Variants in EVL observed in about 807,000 individuals in gnomAD.
EVL encodes the protein ena/VASP-like protein.
A neutral mutation model predicts 59.6 loss-of-function variants in EVL; 21 were observed. That is an observed-to-expected ratio of 0.35 (90% CI 0.25 to 0.51). The LOEUF (loss-of-function observed/expected upper bound fraction) is 0.51. Ranked by LOEUF, EVL falls within the 20% of genes least tolerant of loss-of-function variation. The pLI is 0.97. For missense variants in EVL, 462 were observed against 546.6 expected, an observed-to-expected ratio of 0.85 and a Z score of 1.54; for synonymous variants, 198 against 203.5, an observed-to-expected ratio of 0.97 and a Z score of 0.23.
chr14:100,067,364 G>A (rs994666710), intron 1 of EVL, among the ~76,000 whole-genome samples: 1 of 152,204 alleles, frequency 6.6e-6, no homozygotes, highest in Non-Finnish European at 1.5e-5. Context: ...TCAAGAAACA[G>A]TTTCCAAGCC....
chr14:100,022,865 G>A (rs1415026479), intron 1 of EVL, among the ~76,000 whole-genome samples: 1 of 152,158 alleles, frequency 6.6e-6, no homozygotes, highest in Non-Finnish European at 1.5e-5. Context: ...GCTGGTTCAG[G>A]AGAACGTGTG....
chr14:100,075,024 T>C (rs549748314), intron 1 of EVL: 2 of 152,326 alleles, frequency 1.3e-5, no homozygotes, highest in Non-Finnish European at 2.9e-5. Context: ...TGTCTCTGAC[T>C]TGACTCCCTG....
chr14:100,129,047 G>A (rs937890417), intron 6 of EVL, among the ~76,000 whole-genome samples: 1 of 152,192 alleles, frequency 6.6e-6, no homozygotes, highest in Non-Finnish European at 1.5e-5. Context: ...AAGTCACACC[G>A]TTTACAAATT....
chr14:99,996,270 C>G (rs2060913339), intron 1 of EVL, among the ~76,000 whole-genome samples: 1 of 151,820 alleles, frequency 6.6e-6, no homozygotes, highest in Non-Finnish European at 1.5e-5. Context: ...ACTTGGGGTA[C>G]AGAAACCTCT....
chr14:100,007,534 A>G (rs1018893175), intron 1 of EVL, among the ~76,000 whole-genome samples: 5 of 152,210 alleles, frequency 3.3e-5, no homozygotes, highest in Non-Finnish European at 5.9e-5. Context: ...ACATCATGGC[A>G]CTCATGAAAA....
chr14:100,043,309 G>GTA (rs1257561436), intron 1 of EVL, among the ~76,000 whole-genome samples: 1 of 149,736 alleles, frequency 6.7e-6, no homozygotes, highest in African/African-American at 2.5e-5. Flanking sequence ...GTGTGTGTGT[G>GTA]TATATGTATA....
intron 1 of EVL, among the ~76,000 whole-genome samples, chr14:100,025,533 A>G (rs1285887618): frequency 1.3e-5 from 2 of 152,232 alleles, no homozygotes; most frequent in African/African-American, 4.8e-5. Flanking sequence ...ATTTTTTGCC[A>G]GATCACATAT....
At chr14:100,133,327 A>G (rs914795826) in intron 8 of EVL, among the ~76,000 whole-genome samples, 36 of 152,264 alleles carry the variant, frequency 2.4e-4, no homozygotes, top group South Asian at 6.2e-4. Context: ...TAGGGCGGCT[A>G]ATTCTCTTTT....
chr14:99,986,504 C>A (rs971708443), intron 1 of EVL, among the ~76,000 whole-genome samples: 1 of 152,034 alleles, frequency 6.6e-6, no homozygotes. Flanking sequence ...AGGAGCAGCG[C>A]TAGGAAGGGA....
chr14:100,140,935 T>C (rs918011092), intron 11 of EVL: 3 of 468,816 alleles, frequency 6.4e-6, no homozygotes, highest in African/African-American at 4.0e-5. Context: ...GCAGTTTCTT[T>C]GTTGACCCCA....
intron 1 of EVL, 146 bp from the exon 2 acceptor site, chr14:100,084,541 G>A (rs757079875): frequency 2.5e-6 from 2 of 788,902 alleles, no homozygotes; most frequent in Non-Finnish European, 3.9e-6. Context: ...CACCTCACCA[G>A]GCAGTTCTTC....
chr14:100,009,584 C>CAA (rs1419495129), intron 1 of EVL, among the ~76,000 whole-genome samples: 1 of 152,172 alleles, frequency 6.6e-6, no homozygotes, highest in Non-Finnish European at 1.5e-5. Context: ...GTGGAAAATA[C>CAA]AAATGTGAAG....
intron 3 of EVL, among the ~76,000 whole-genome samples, chr14:100,121,091 G>A (rs3783333): frequency 0.1 from 15,727 of 152,198 alleles, 1,629 homozygotes; most frequent in African/African-American, 0.26. Context: ...CACATCCTCC[G>A]CCTTGGCTTC....
intron 1 of EVL, among the ~76,000 whole-genome samples, chr14:100,081,759 A>G (rs956579044): frequency 2.0e-5 from 3 of 152,114 alleles, no homozygotes; most frequent in Non-Finnish European, 4.4e-5. Flanking sequence ...AGAACCCCAC[A>G]TCCCCTTCCT....
intron 3 of EVL, among the ~76,000 whole-genome samples, chr14:100,101,467 C>T (rs1367369776): frequency 2.0e-5 from 3 of 151,644 alleles, no homozygotes; most frequent in Admixed American, 6.6e-5. Context: ...GCAACAAGAG[C>T]GAAACTCTGT....
At chr14:99,971,432 C>T (rs959968946), upstream of EVL, 3 of 151,876 alleles carry the variant, frequency 2.0e-5, no homozygotes, top group South Asian at 2.1e-4. Context: ...AAGCTCAGCG[C>T]TCCCGGAGGC....
At chr14:99,989,465 G>T (rs2060861797) in intron 1 of EVL, among the ~76,000 whole-genome samples, 1 of 152,046 alleles carries the variant, frequency 6.6e-6, no homozygotes, top group Non-Finnish European at 1.5e-5. Context: ...GGTTTCTTGA[G>T]GATATTCCCA....
rs1356739424 is a variant in EVL at position 99,972,621 on chromosome 14, G to A, written c.5+564G>A. Reference sequence around the variant, plus strand: ...ACCCCCCTTTTTTTTCTTCTTGCACGCCAGTAAAGTGCAAGGCCCCCAAAT... The same window carrying A: ...ACCCCCCTTTTTTTTCTTCTTGCACACCAGTAAAGTGCAAGGCCCCCAAAT... On this transcript the variant is annotated intron_variant, in intron 1 of 13. Coordinates refer to the EVL transcript ENST00000402714. The surrounding 1 kb of genome is among the most constrained non-coding windows in gnomAD (Gnocchi z 4.4). 4.0e-5 allele frequency among the ~76,000 whole-genome samples: 6 copies of A among 151,652 alleles called. No homozygotes were observed. The highest frequency in any genetic ancestry group is 7.3e-5 in the African/African-American group (3 of 41,208).
chr14:100,064,579 G>A (rs1181571196), upstream of EVL, among the ~76,000 whole-genome samples: 1 of 152,146 alleles, frequency 6.6e-6, no homozygotes, highest in Non-Finnish European at 1.5e-5. Context: ...TTGTCTCCTC[G>A]GTAGAAGTAC....
Sources: allele counts gnomAD v4.1 joint callset (sites outside exome capture counted in the v4.1 genomes callset), GRCh38; gene constraint gnomAD v4.1.1; non-coding constraint Gnocchi (gnomAD v3.1); transcripts MANE v1.5; gene names NCBI Gene and HGNC (gene_info 2026-07-23, HGNC 2026-07-21).